SND1: variants seen among roughly 807,000 people sequenced by gnomAD.
The protein encoded by SND1 is staphylococcal nuclease domain-containing protein 1.
SND1 carries 38 observed loss-of-function variants against 121.7 expected under a neutral mutation model. The observed-to-expected ratio is 0.31, with a 90% CI of 0.24 to 0.41. SND1 has a LOEUF of 0.41. Among genes scored for constraint, SND1 ranks in the 10% least tolerant of loss-of-function variants. The pLI is 1.00. For missense variants in SND1, 868 were observed against 1,184.6 expected, an observed-to-expected ratio of 0.73 and a Z score of 3.92; for synonymous variants, 401 against 447.4, an observed-to-expected ratio of 0.90 and a Z score of 1.31.
intron 1 of SND1, among the ~76,000 whole-genome samples, chr7:127,668,479 C>T (rs1795457721): frequency 6.6e-6 from 1 of 152,156 alleles, no homozygotes; most frequent in Non-Finnish European, 1.5e-5. Flanking sequence ...TCTGTAAGGG[C>T]AAAGACCATG....
chr7:127,820,221 A>G (rs1380330650), intron 11 of SND1, among the ~76,000 whole-genome samples: 1 of 152,112 alleles, frequency 6.6e-6, no homozygotes, highest in Non-Finnish European at 1.5e-5. Context: ...GTTTTCTCTC[A>G]TTTGAGGGCT....
Position 127,852,210 on chromosome 7 carries a change from T to A in SND1, c.1343+7786T>A, listed in dbSNP as rs567236137. Among the ~76,000 whole-genome samples the A allele has an allele frequency of 8.0e-5, 12 of 150,854 alleles. 1 individual carries two copies. Among genetic ancestry groups the A allele is most frequent in the South Asian group, 6.3e-4 (3 of 4,762 alleles). On this transcript the variant is annotated intron_variant, in intron 12 of 23. Coordinates refer to ENST00000354725, the MANE Select transcript of SND1 (RefSeq NM_014390.4). Reference sequence around the variant, plus strand: ...AATAAAATAAAATAAATAAAAAAAATAATCCTGGGCGAGATGGCTCACGTC... The same window carrying A: ...AATAAAATAAAATAAATAAAAAAAAAAATCCTGGGCGAGATGGCTCACGTC...
intron 13 of SND1, among the ~76,000 whole-genome samples, chr7:127,890,154 G>A (rs185751647): frequency 2.6e-5 from 4 of 152,052 alleles, no homozygotes; most frequent in East Asian, 1.9e-4. Context: ...AGCAGTGTAC[G>A]AGGGCTCCCT....
intron 16 of SND1, chr7:128,030,047 G>T (rs1322298985): frequency 6.2e-7 from 1 of 1,613,338 alleles, no homozygotes; most frequent in Admixed American, 1.7e-5. Context: ...TCAGATACTT[G>T]AGGTTGAACA....
At chr7:127,895,264 CAG>C (rs1375703653) in intron 13 of SND1, among the ~76,000 whole-genome samples, 1 of 152,038 alleles carries the variant, frequency 6.6e-6, no homozygotes, top group Non-Finnish European at 1.5e-5. Context: ...TGGTGAAAAA[CAG>C]AGCTCTTACT....
At position 127,889,213 on chromosome 7, in the gene SND1, C is replaced by T. The variant is rs567734260; in HGVS notation, c.1454+1201C>T. On this transcript the variant is annotated intron_variant, in intron 13 of 23. Coordinates refer to ENST00000354725, the MANE Select transcript of SND1 (RefSeq NM_014390.4). ...AGCTCATTAATGGTCATTTAAAATA[C>T]GTAGTTCGTGATTGGTGTTTTCTCA... Among the ~76,000 whole-genome samples the T allele has an allele frequency of 9.5e-4, 145 of 152,112 alleles. 1 individual carries two copies. In the Middle Eastern group the frequency reaches 0.014, roughly 14 times the overall value.
At chr7:127,728,402 C>CAGAA (rs1796617936) in intron 10 of SND1, among the ~76,000 whole-genome samples, 2 of 152,174 alleles carry the variant, frequency 1.3e-5, no homozygotes. Context: ...TTTCTTGTCT[C>CAGAA]TTCTCAGTCT....
chr7:127,998,124 C>G (rs1802721645), intron 16 of SND1: 1 of 406,524 alleles, frequency 2.5e-6, no homozygotes, highest in South Asian at 2.0e-5. Flanking sequence ...GTCAAATCAA[C>G]TAATTGATTC....
chr7:127,686,920 C>A, intron 2 of SND1, 158 bp downstream of exon 2: 1 of 779,468 alleles, frequency 1.3e-6, no homozygotes. Flanking sequence ...CAGCTTGTAT[C>A]TGTTGTTTAT....
intron 10 of SND1, 96 bp from the exon 11 acceptor site, chr7:127,807,388 G>T: frequency 1.1e-6 from 1 of 925,928 alleles, no homozygotes; most frequent in Non-Finnish European, 1.7e-6. Flanking sequence ...GATACTAAGA[G>T]ATAACCAATT....
At position 127,857,069 on chromosome 7, in the gene SND1, G is replaced by A. The variant is rs76211880; in HGVS notation, c.1343+12645G>A. On this transcript the variant is annotated intron_variant, in intron 12 of 23. Transcript: ENST00000354725. Reference sequence around the variant, plus strand: ...ACCCCTTCCTTTCCAAAGAGAAGGAGAGAATTTCAAAGCCCTTAAACTTTT... The same window carrying A: ...ACCCCTTCCTTTCCAAAGAGAAGGAAAGAATTTCAAAGCCCTTAAACTTTT... Among the ~76,000 whole-genome samples, 1,511 of 151,866 alleles carry A rather than the reference G, an allele frequency of 9.9e-3. 10 individuals carry two copies. Among genetic ancestry groups the A allele is most frequent in the Non-Finnish European group, 0.017 (1,124 of 67,950 alleles).
intron 9 of SND1, 40 bp from the exon 10 acceptor site, chr7:127,721,247 C>T: frequency 7.2e-7 from 1 of 1,381,496 alleles, no homozygotes; most frequent in Non-Finnish European, 1.0e-6. Flanking sequence ...GTGATGGGGG[C>T]CATAGAAGCA....
intron 9 of SND1, among the ~76,000 whole-genome samples, chr7:127,719,803 C>T (rs1355525958): frequency 6.6e-6 from 1 of 152,218 alleles, no homozygotes; most frequent in Non-Finnish European, 1.5e-5. Context: ...GGGATACCTT[C>T]CCATCCACCA....
In SND1 at chr7:127,776,652, G is replaced by A. The variant is rs751840261; in HGVS notation, c.1153-30832G>A. Among the ~76,000 whole-genome samples, 37 of 152,242 alleles carry A rather than the reference G, an allele frequency of 2.4e-4. No homozygotes were observed. The Middle Eastern group carries it at 0.01, about 42-fold the overall frequency. On this transcript the variant is annotated intron_variant, in intron 10 of 23. Transcript: ENST00000354725. ...AACATGATAGTACCTGTATATATAG[G>A]TGTAGTTAAGAAATTAAGGAGAAGA... is the stretch of plus-strand genomic sequence containing the variant.
chr7:127,654,490 A>G (rs1300581799), intron 1 of SND1, among the ~76,000 whole-genome samples: 1 of 152,196 alleles, frequency 6.6e-6, no homozygotes, highest in African/African-American at 2.4e-5. Context: ...ACTCCAGGGT[A>G]TTAATTTATA....
At chr7:127,917,336 A>G (rs939080855) in intron 14 of SND1, among the ~76,000 whole-genome samples, 2 of 152,182 alleles carry the variant, frequency 1.3e-5, no homozygotes, top group Non-Finnish European at 2.9e-5. Context: ...AAGTAGTTTC[A>G]TTATTGTTTA....
chr7:127,751,098 C>G (rs1797082712), intron 10 of SND1, among the ~76,000 whole-genome samples: 3 of 151,974 alleles, frequency 2.0e-5, no homozygotes, highest in Non-Finnish European at 4.4e-5. Context: ...TTAGTGTAAG[C>G]AAACAGCTCT....
intron 15 of SND1, among the ~76,000 whole-genome samples, chr7:127,973,365 G>A (rs1415361752): frequency 6.6e-6 from 1 of 152,178 alleles, no homozygotes; most frequent in Admixed American, 6.5e-5. Context: ...TGATTGCCTA[G>A]GGACTGGATT....
At chr7:127,847,713 G>A (rs754999661) in intron 12 of SND1, among the ~76,000 whole-genome samples, 4 of 152,178 alleles carry the variant, frequency 2.6e-5, no homozygotes, top group Non-Finnish European at 4.4e-5. Flanking sequence ...ATTTTTTAAA[G>A]CATGTGTTAT....
Sources: gnomAD v4.1 joint callset for allele counts (sites outside exome capture counted in the v4.1 genomes callset) on GRCh38, gnomAD v4.1.1 for gene constraint, MANE v1.5 for transcripts, NCBI Gene and HGNC (gene_info 2026-07-23, HGNC 2026-07-21) for gene names.